The following TLN2 variants were observed in gnomAD, a reference collection of about 807,000 sequenced individuals.
TLN2 encodes talin 2, also known as talin-2.
Under a neutral mutation model 294.7 loss-of-function variants are expected in TLN2, and 118 were observed. The ratio of observed to expected loss-of-function variants is 0.40; its 90% CI spans 0.34 to 0.47. TLN2 has a LOEUF of 0.47. Ranked by LOEUF, TLN2 falls within the 20% of genes least tolerant of loss-of-function variation. TLN2 has a pLI of 0.84. For synonymous variants in TLN2, 1,431 were observed against 1,304.5 expected (o/e 1.10, Z -2.09); for missense variants, 3,083 against 3,282.2 (o/e 0.94, Z 1.48).
At chr15:62,508,918 A>G (rs1595972265) in intron 1 of TLN2, among the ~76,000 whole-genome samples, 2 of 152,240 alleles carry the variant, frequency 1.3e-5, no homozygotes, top group South Asian at 4.1e-4. Flanking sequence ...TTTTGTATAT[A>G]CATGTGATAG....
chr15:62,705,300 A>G (rs377463928), intron 19 of TLN2, among the ~76,000 whole-genome samples: 2 of 152,214 alleles, frequency 1.3e-5, no homozygotes, highest in East Asian at 3.8e-4. Context: ...GGTAACTGAC[A>G]TTGGATTTCT....
intron 3 of TLN2, among the ~76,000 whole-genome samples, chr15:62,633,321 G>T (rs991166390): frequency 6.6e-6 from 1 of 152,188 alleles, no homozygotes; most frequent in East Asian, 1.9e-4. Flanking sequence ...TTTGGAGATG[G>T]TGTCTTGCTC....
chr15:62,544,099 A>G (rs1170500727), intron 1 of TLN2, among the ~76,000 whole-genome samples: 1 of 152,220 alleles, frequency 6.6e-6, no homozygotes, highest in Non-Finnish European at 1.5e-5. Context: ...CGCTTTGTAT[A>G]ATAATCATTT....
At chr15:62,780,650 C>T (rs1163262792) in intron 43 of TLN2, among the ~76,000 whole-genome samples, 3 of 152,150 alleles carry the variant, frequency 2.0e-5, no homozygotes, top group Non-Finnish European at 4.4e-5. Context: ...CCTTCTATTC[C>T]CCGATTGTGC....
chr15:62,782,684 G>A (rs918501892), intron 44 of TLN2, among the ~76,000 whole-genome samples: 2 of 152,194 alleles, frequency 1.3e-5, no homozygotes, highest in African/African-American at 2.4e-5. Flanking sequence ...ACTCACTCTC[G>A]TGCAGCTCAG....
chr15:62,723,994 C>A (rs1165171808), intron 26 of TLN2, among the ~76,000 whole-genome samples: 1 of 151,968 alleles, frequency 6.6e-6, no homozygotes, highest in African/African-American at 2.4e-5. Flanking sequence ...AATAAAAATA[C>A]AAAAATTAGC....
chr15:62,731,099 A>C (rs931671573), intron 28 of TLN2, among the ~76,000 whole-genome samples: 2 of 152,006 alleles, frequency 1.3e-5, no homozygotes, highest in African/African-American at 4.8e-5. Flanking sequence ...TGAGATTTTA[A>C]TTGTAAGTAT....
chr15:62,650,216 C>T (rs766984572), intron 5 of TLN2, 35 bp downstream of exon 5: 1 of 1,607,298 alleles, frequency 6.2e-7, no homozygotes, highest in Non-Finnish European at 8.5e-7. Context: ...TTCTTCATCC[C>T]TTTGTCCCTG....
intron 28 of TLN2, among the ~76,000 whole-genome samples, chr15:62,736,461 T>C (rs2061020164): frequency 6.6e-6 from 1 of 152,152 alleles, no homozygotes; most frequent in Non-Finnish European, 1.5e-5. Context: ...GAGCTGCACA[T>C]GTAGACTTGT....
chr15:62,561,825 A>G (rs1227377461), intron 1 of TLN2, among the ~76,000 whole-genome samples: 1 of 152,064 alleles, frequency 6.6e-6, no homozygotes, highest in Non-Finnish European at 1.5e-5. Flanking sequence ...TTCCTCTTGC[A>G]GTATCCTGCT....
At chr15:62,629,105 G>T (rs192652853) in intron 3 of TLN2, among the ~76,000 whole-genome samples, 1 of 152,162 alleles carries the variant, frequency 6.6e-6, no homozygotes, top group African/African-American at 2.4e-5. Flanking sequence ...GCAGAGGTGG[G>T]AGGATTGCTT....
At chr15:62,653,748 TA>T (rs36124921) in intron 7 of TLN2, among the ~76,000 whole-genome samples, 308 of 135,374 alleles carry the variant, frequency 2.3e-3, no homozygotes, top group African/African-American at 7.5e-3. Context: ...AAATAAAAAT[TA>T]AAAAAAAAAA....
chr15:62,510,898 A>G (rs2039896913), intron 1 of TLN2, among the ~76,000 whole-genome samples: 1 of 152,274 alleles, frequency 6.6e-6, no homozygotes, highest in Admixed American at 6.5e-5. Flanking sequence ...AGTCTAGGAA[A>G]AGAATTGTAT....
chr15:62,418,090 C>T (rs1164902758), intron 1 of TLN2, among the ~76,000 whole-genome samples: 1 of 152,238 alleles, frequency 6.6e-6, no homozygotes, highest in African/African-American at 2.4e-5. Flanking sequence ...CCCATTGTGA[C>T]TAATCTCAGA....
At chr15:62,624,007 C>T (rs968227988) in intron 3 of TLN2, among the ~76,000 whole-genome samples, 10 of 152,192 alleles carry the variant, frequency 6.6e-5, no homozygotes, top group African/African-American at 2.4e-4. Flanking sequence ...AGGATTTTCA[C>T]TGTATCCTTA....
chr15:62,823,856 A>G (rs1240220519), intron 54 of TLN2: 1 of 441,834 alleles, frequency 2.3e-6, no homozygotes, highest in East Asian at 7.3e-5. Context: ...TTGTGCTCCA[A>G]AGACAGTTAT....
Position 62,639,943 on chromosome 15 carries a change from C to G in TLN2, c.-36-7332C>G, listed in dbSNP as rs529607381. Among the ~76,000 whole-genome samples the G allele has an allele frequency of 3.5e-4, 53 of 152,292 alleles. No homozygotes were observed. The South Asian group carries it at 0.011, about 31-fold the overall frequency. On this transcript the variant is annotated intron_variant, in intron 3 of 58. Coordinates refer to ENST00000636159, the MANE Select transcript of TLN2 (RefSeq NM_015059.3). ...TCCTTAAATTAAAGATAGCTGGCTCCCAGTGAAGGCATGACTTGACTTACC... is the reference window on the plus strand; with the variant it reads ...TCCTTAAATTAAAGATAGCTGGCTCGCAGTGAAGGCATGACTTGACTTACC...
intron 1 of TLN2, among the ~76,000 whole-genome samples, chr15:62,521,754 C>G (rs1017041916): frequency 6.6e-6 from 1 of 152,050 alleles, no homozygotes; most frequent in African/African-American, 2.4e-5. Context: ...ATGGAGATTC[C>G]CCCATGCAAA....
Position 62,656,347 on chromosome 15 carries a change from C to T in TLN2, c.660+261C>T, listed in dbSNP as rs28735404. ...TAGCCAACACTGTGTCCCTCTCTGC[C>T]GGGCTTTGAGGGACAGTTGTATTTC... On this transcript the variant is annotated intron_variant, in intron 8 of 58. Transcript: ENST00000636159. 1.8e-3 allele frequency among the ~76,000 whole-genome samples: 281 copies of T among 152,250 alleles called. 1 individual carries two copies. Among genetic ancestry groups the T allele is most frequent in the African/African-American group, 6.1e-3 (255 of 41,556 alleles).
Sources: allele counts gnomAD v4.1 joint callset (sites outside exome capture counted in the v4.1 genomes callset), GRCh38; gene constraint gnomAD v4.1.1; transcripts MANE v1.5; gene names NCBI Gene and HGNC (gene_info 2026-07-23, HGNC 2026-07-21).